Variants in HERC4 observed in about 807,000 individuals in gnomAD.
The protein encoded by HERC4 is HECT and RLD domain containing E3 ubiquitin protein ligase 4.
A neutral mutation model predicts 124.3 loss-of-function variants in HERC4; 28 were observed. That is an observed-to-expected ratio of 0.23 (90% CI 0.17 to 0.31). The LOEUF is 0.31. Ranked by LOEUF, HERC4 falls within the 10% of genes least tolerant of loss-of-function variation. The pLI is 1.00. For missense variants in HERC4, 713 were observed against 1,229.3 expected (o/e 0.58, Z 6.28); for synonymous variants, 407 against 421.5 (o/e 0.97, Z 0.42).
intron 9 of HERC4, among the ~76,000 whole-genome samples, chr10:68,010,000 T>C (rs1002257383): frequency 6.6e-6 from 1 of 152,056 alleles, no homozygotes; most frequent in African/African-American, 2.4e-5. Flanking sequence ...ATACATGATA[T>C]GGGGATTAAA....
intron 21 of HERC4, among the ~76,000 whole-genome samples, chr10:67,936,453 C>G (rs1056471667): frequency 1.3e-5 from 2 of 152,118 alleles, no homozygotes; most frequent in Non-Finnish European, 2.9e-5. Context: ...TTACAAATTA[C>G]CAAGTTTGGT....
chr10:67,923,280 A>T, intron 24 of HERC4, 141 bp from the exon 25 acceptor site: 1 of 601,244 alleles, frequency 1.7e-6, no homozygotes. Context: ...TTTGTGGAAG[A>T]CAAGTTTTTT....
chr10:67,964,762 CCTTTCTTT>C lies in HERC4; in HGVS notation c.1926+1913_1926+1920del, dbSNP rs750599390. Reference sequence around the variant, plus strand: ...TCCCATAAGCCATGCTGGCTGTTTTCCTTTCTTTCTTTCTTTCTTTTTTTTTTTTGAAA... The same window carrying C: ...TCCCATAAGCCATGCTGGCTGTTTTCCTTTCTTTCTTTTTTTTTTTTGAAA... On this transcript the variant is annotated intron_variant, in intron 16 of 24. Transcript: ENST00000373700. 3 of 152,424 alleles carry C rather than the reference CCTTTCTTT, an allele frequency of 2.0e-5. No homozygotes were observed. The South Asian group carries it at 6.2e-4, about 32-fold the overall frequency. 9.4% of individuals were successfully genotyped at this position (152,424 alleles called of 1,614,324 possible).
At chr10:68,024,272 C>T (rs917759457) in intron 8 of HERC4, among the ~76,000 whole-genome samples, 20 of 152,084 alleles carry the variant, frequency 1.3e-4, no homozygotes. Context: ...TCTGACAATA[C>T]TAACTGGTGA....
At chr10:68,031,482 T>C (rs59263672) in intron 7 of HERC4, among the ~76,000 whole-genome samples, 11,452 of 152,164 alleles carry the variant, frequency 0.075, 1,100 homozygotes, top group African/African-American at 0.23. Flanking sequence ...ATTAGGTTGG[T>C]GCAAAATTAA....
At chr10:67,949,413 A>G (rs1472287379) in intron 19 of HERC4, among the ~76,000 whole-genome samples, 3 of 152,234 alleles carry the variant, frequency 2.0e-5, no homozygotes. Flanking sequence ...AGCAGAGGGA[A>G]TATTTCCTAA....
At chr10:67,979,599 G>A (rs118130792) in intron 15 of HERC4, among the ~76,000 whole-genome samples, 1 of 151,916 alleles carries the variant, frequency 6.6e-6, no homozygotes, top group Non-Finnish European at 1.5e-5. Flanking sequence ...GAAGACTGTA[G>A]AACACCAAGC....
chr10:68,036,369 A>G (rs1214898170), intron 5 of HERC4, among the ~76,000 whole-genome samples: 1 of 152,096 alleles, frequency 6.6e-6, no homozygotes, highest in Non-Finnish European at 1.5e-5. Flanking sequence ...CCTACACCAC[A>G]AAGCTGAGTA....
rs528864618 is a variant in HERC4 at position 68,002,911 on chromosome 10, T to G, written c.1070-10229A>C. ...CACCGTGCCTAGCCTTATTTTAATT[T>G]TTATGAGTACACAGTAGGTATATAT... On this transcript the variant is annotated intron_variant, in intron 9 of 24. Coordinates refer to ENST00000373700, the MANE Select transcript of HERC4 (RefSeq NM_015601.4). 7.4e-4 allele frequency among the ~76,000 whole-genome samples: 113 copies of G among 152,094 alleles called. 3 individuals carry two copies. In the South Asian group the frequency reaches 0.023, roughly 31 times the overall value.
At chr10:68,052,789 CT>C (rs1198403071) in intron 3 of HERC4, among the ~76,000 whole-genome samples, 1 of 152,210 alleles carries the variant, frequency 6.6e-6, no homozygotes, top group Non-Finnish European at 1.5e-5. Flanking sequence ...CTGATAACGT[CT>C]GAATTGTGAA....
chr10:68,030,584 C>T (rs1328948377), intron 7 of HERC4, among the ~76,000 whole-genome samples: 2 of 152,118 alleles, frequency 1.3e-5, no homozygotes, highest in Non-Finnish European at 2.9e-5. Context: ...GCATAAATAC[C>T]TCATTCTGTT....
intron 3 of HERC4, among the ~76,000 whole-genome samples, chr10:68,053,168 T>C (rs1256862387): frequency 6.6e-6 from 1 of 152,186 alleles, no homozygotes; most frequent in Non-Finnish European, 1.5e-5. Context: ...AAATATTGAA[T>C]CATTGCCCCC....
chr10:67,955,309 AC>A, intron 17 of HERC4, 179 bp from the exon 18 acceptor site: 1 of 533,794 alleles, frequency 1.9e-6, no homozygotes, highest in Non-Finnish European at 3.2e-6. Context: ...CATAAAGAGT[AC>A]CCTTTTGAAT....
intron 7 of HERC4, among the ~76,000 whole-genome samples, chr10:68,030,003 A>G (rs1431093202): frequency 1.3e-5 from 2 of 151,760 alleles, no homozygotes; most frequent in Non-Finnish European, 2.9e-5. Flanking sequence ...CTCCCAAAGC[A>G]CTGGGATTAC....
chr10:67,990,115 A>G (rs2036472868), intron 14 of HERC4, 96 bp downstream of exon 14: 2 of 950,888 alleles, frequency 2.1e-6, no homozygotes, highest in Admixed American at 5.5e-5. Flanking sequence ...AGTGTCAAAT[A>G]AGCAGGGCAG....
chr10:68,059,362 C>T (rs2133705015), intron 3 of HERC4, among the ~76,000 whole-genome samples: 1 of 148,058 alleles, frequency 6.8e-6, no homozygotes, highest in South Asian at 2.1e-4. Context: ...CTCAGTAATG[C>T]TTTCAAGTCT....
chr10:68,017,690 T>C (rs1162795690), intron 8 of HERC4, among the ~76,000 whole-genome samples: 3 of 152,176 alleles, frequency 2.0e-5, no homozygotes, highest in Non-Finnish European at 4.4e-5. Flanking sequence ...TTTTTTGCCA[T>C]GTTGGCCAGG....
chr10:67,942,405 T>C (rs936153275), intron 19 of HERC4, among the ~76,000 whole-genome samples: 1 of 152,214 alleles, frequency 6.6e-6, no homozygotes, highest in Non-Finnish European at 1.5e-5. Context: ...GTCCATAGTT[T>C]GAAATATTTC....
At chr10:68,040,881 T>G (rs1341943081) in intron 4 of HERC4, among the ~76,000 whole-genome samples, 1 of 137,134 alleles carries the variant, frequency 7.3e-6, no homozygotes, top group African/African-American at 2.8e-5. Flanking sequence ...AGAGTGAAAT[T>G]CCGTCTCAAA....
Sources: gnomAD v4.1 joint callset for allele counts (sites outside exome capture counted in the v4.1 genomes callset) on GRCh38, gnomAD v4.1.1 for gene constraint, MANE v1.5 for transcripts, NCBI Gene and HGNC (gene_info 2026-07-23, HGNC 2026-07-21) for gene names.